Variants in SLC35F1 observed in about 807,000 individuals in gnomAD.
SLC35F1 encodes solute carrier family 35 member F1, also known as chromosome 6 open reading frame 169.
In SLC35F1, 14 loss-of-function variants were observed where a neutral mutation model predicts 48.7. The ratio of observed to expected loss-of-function variants is 0.29; its 90% CI spans 0.19 to 0.45. SLC35F1 has a LOEUF of 0.45. Ranked by LOEUF, SLC35F1 falls within the 20% of genes least tolerant of loss-of-function variation. The pLI is 1.00. For missense variants in SLC35F1, 404 were observed against 500.0 expected (o/e 0.81, Z 1.83); for synonymous variants, 190 against 202.2 (o/e 0.94, Z 0.51).
At chr6:118,214,820 A>T (rs457162) in intron 2 of SLC35F1, among the ~76,000 whole-genome samples, 10,117 of 152,220 alleles carry the variant, frequency 0.066, 394 homozygotes, top group South Asian at 0.12. Flanking sequence ...CTGTCTCTCA[A>T]TGAGACAAAA....
intron 1 of SLC35F1, among the ~76,000 whole-genome samples, chr6:118,023,877 A>G (rs4245491): frequency 0.99 from 151,430 of 152,298 alleles, 75,291 homozygotes; most frequent in Middle Eastern, 1. Context: ...TATTCCCGGA[A>G]TCAAGGGAAT....
intron 1 of SLC35F1, among the ~76,000 whole-genome samples, chr6:117,988,749 G>A (rs1420714642): frequency 3.9e-5 from 6 of 152,128 alleles, no homozygotes; most frequent in African/African-American, 1.4e-4. Context: ...TGGTTTCTTA[G>A]TTTCTATTAT....
At chr6:118,243,496 A>G (rs1299090035) in intron 3 of SLC35F1, among the ~76,000 whole-genome samples, 1 of 152,224 alleles carries the variant, frequency 6.6e-6, no homozygotes, top group Non-Finnish European at 1.5e-5. Flanking sequence ...ACCCCTGATC[A>G]GACCTGAGCC....
intron 2 of SLC35F1, among the ~76,000 whole-genome samples, chr6:118,205,762 T>G (rs1382409132): frequency 6.6e-6 from 1 of 152,212 alleles, no homozygotes; most frequent in African/African-American, 2.4e-5. Flanking sequence ...GATGAATGGA[T>G]AAGCAAAATA....
chr6:118,104,180 C>G (rs1773298212), intron 1 of SLC35F1, among the ~76,000 whole-genome samples: 1 of 150,964 alleles, frequency 6.6e-6, no homozygotes. Flanking sequence ...TCCCTCTTTT[C>G]CTTCCTTTCT....
chr6:118,278,753 A>T (rs1007845428), intron 6 of SLC35F1, among the ~76,000 whole-genome samples: 5 of 152,278 alleles, frequency 3.3e-5, no homozygotes, highest in African/African-American at 1.2e-4. Flanking sequence ...TTTGTGACCC[A>T]CAACACCAGA....
intron 1 of SLC35F1, among the ~76,000 whole-genome samples, chr6:118,048,739 C>A (rs1278208064): frequency 6.6e-6 from 1 of 152,160 alleles, no homozygotes; most frequent in Non-Finnish European, 1.5e-5. Context: ...GAAGAACATT[C>A]CATGCTCATG....
chr6:118,028,010 G>T (rs912903684), intron 1 of SLC35F1, among the ~76,000 whole-genome samples: 1 of 151,980 alleles, frequency 6.6e-6, no homozygotes, highest in Non-Finnish European at 1.5e-5. Context: ...TTGCATTTAG[G>T]CCTGGGGTTC....
chr6:118,299,774 G>A lies in SLC35F1; in HGVS notation c.1003-14254G>A, dbSNP rs146804595. Among the ~76,000 whole-genome samples the A allele has an allele frequency of 3.2e-3, 483 of 152,284 alleles. 1 individual carries two copies. The highest frequency in any genetic ancestry group is 0.012 in the South Asian group (57 of 4,824). On this transcript the variant is annotated intron_variant, in intron 7 of 7. Coordinates refer to ENST00000360388, the MANE Select transcript of SLC35F1 (RefSeq NM_001029858.4). ...GAAGAATTGCTAAATGTCAGTTAGA[G>A]GTCAGTGAAAATAAGGTCCAGGTTT...
At chr6:117,996,739 A>G (rs961729393) in intron 1 of SLC35F1, among the ~76,000 whole-genome samples, 2 of 152,206 alleles carry the variant, frequency 1.3e-5, no homozygotes, top group Non-Finnish European at 2.9e-5. Flanking sequence ...TTAGAAGGAA[A>G]ACTAACAAAC....
chr6:118,082,337 T>C (rs943142115), intron 1 of SLC35F1, among the ~76,000 whole-genome samples: 3 of 152,196 alleles, frequency 2.0e-5, no homozygotes, highest in Non-Finnish European at 4.4e-5. Flanking sequence ...GTGTATATAC[T>C]TATTATAAGA....
At chr6:117,963,656 A>C (rs1305999781) in intron 1 of SLC35F1, among the ~76,000 whole-genome samples, 4 of 152,122 alleles carry the variant, frequency 2.6e-5, no homozygotes, top group Admixed American at 2.6e-4. Flanking sequence ...CCAAATCTTG[A>C]ATACTTTATG....
intron 7 of SLC35F1, among the ~76,000 whole-genome samples, chr6:118,312,946 G>A (rs759047990): frequency 1.3e-5 from 2 of 152,070 alleles, no homozygotes; most frequent in Non-Finnish European, 2.9e-5. Flanking sequence ...ATGGACGCAG[G>A]ATGTGGTCAA....
intron 1 of SLC35F1, among the ~76,000 whole-genome samples, chr6:117,973,663 G>GAGAC (rs1192939736): frequency 6.6e-6 from 1 of 152,048 alleles, no homozygotes; most frequent in East Asian, 1.9e-4. Flanking sequence ...CTAGGCTGAA[G>GAGAC]AGACCCTCCT....
intron 2 of SLC35F1, among the ~76,000 whole-genome samples, chr6:118,213,016 A>G (rs144944875): frequency 1.2e-3 from 176 of 152,328 alleles, no homozygotes; most frequent in African/African-American, 4.0e-3. Context: ...GAGGTGGGAT[A>G]CTTCATCACA....
intron 1 of SLC35F1, among the ~76,000 whole-genome samples, chr6:118,077,657 T>C (rs1772842045): frequency 6.6e-6 from 1 of 152,236 alleles, no homozygotes; most frequent in Non-Finnish European, 1.5e-5. Context: ...GGACAGCAGA[T>C]TGAAGATTTA....
At chr6:118,074,379 A>G (rs1304136959) in intron 1 of SLC35F1, among the ~76,000 whole-genome samples, 1 of 152,188 alleles carries the variant, frequency 6.6e-6, no homozygotes, top group African/African-American at 2.4e-5. Context: ...CCTGACTGTC[A>G]GGTCTGTAAA....
In SLC35F1 at chr6:117,907,953, C is replaced by T. The variant is rs1016127785; in HGVS notation, c.173+54C>T. 25 of 1,288,918 alleles carry T rather than the reference C, an allele frequency of 1.9e-5. No individual in the cohort carries two copies. In the African/African-American group the frequency reaches 3.9e-4, roughly 20 times the overall value. 79.8% of individuals were successfully genotyped at this position (1,288,918 alleles called of 1,614,324 possible). ...GGGGGCGGGGGCTGCGGGCGCCCGGCTCCGGGTCCCCTCCGTCCCTGGGGC... is the reference window on the plus strand; with the variant it reads ...GGGGGCGGGGGCTGCGGGCGCCCGGTTCCGGGTCCCCTCCGTCCCTGGGGC... On this transcript the variant is annotated intron_variant, in intron 1 of 7. Transcript: ENST00000360388.
chr6:117,977,977 G>C (rs530716256), intron 1 of SLC35F1, among the ~76,000 whole-genome samples: 1 of 152,102 alleles, frequency 6.6e-6, no homozygotes, highest in Non-Finnish European at 1.5e-5. Flanking sequence ...TAATTTGGGA[G>C]TAGATTTAGT....
Sources: gnomAD v4.1 joint callset for allele counts (sites outside exome capture counted in the v4.1 genomes callset) on GRCh38, gnomAD v4.1.1 for gene constraint, MANE v1.5 for transcripts, NCBI Gene and HGNC (gene_info 2026-07-23, HGNC 2026-07-21) for gene names.